The following SLC2A4RG variants were observed in gnomAD, a reference collection of about 807,000 sequenced individuals.
SLC2A4RG encodes GLUT4 enhancer factor.
A neutral mutation model predicts 35.5 loss-of-function variants in SLC2A4RG; 23 were observed. The observed-to-expected ratio is 0.65, with a 90% CI of 0.47 to 0.92. The LOEUF (loss-of-function observed/expected upper bound fraction) is 0.92, where lower values mean the gene tolerates loss of function less well. Ranked by LOEUF, SLC2A4RG falls within the 40% of genes least tolerant of loss-of-function variation. SLC2A4RG has a pLI of 0.00. For missense variants in SLC2A4RG, 539 were observed against 525.0 expected (o/e 1.03, Z -0.26); for synonymous variants, 306 against 243.7 (o/e 1.26, Z -2.38).
Position 63,742,138 on chromosome 20 carries a change from CCAGGTCATGTTCCAGTGT to C in SLC2A4RG, c.590_607del (p.Gln197_Cys202del). ...GGCCCCTGTTGCTGCAGAGCCCGGC[CCAGGTCATGTTCCAGTGT>C]CTGTGGAAGAGCTGCGGGAAGGTGC... On this transcript the variant is annotated inframe_deletion, in exon 5 of 8. Transcript: ENST00000266077. 6.2e-7 allele frequency: 1 copy of C among 1,604,332 alleles called. No individual in the cohort carries two copies. Among genetic ancestry groups the C allele is most frequent in the Non-Finnish European group, 8.5e-7 (1 of 1,175,946 alleles).
chr20:63,740,369 A>G lies in SLC2A4RG; in HGVS notation c.127-8A>G. The G allele has an allele frequency of 8.2e-7, 1 of 1,215,202 alleles. No homozygotes were observed. The highest frequency in any genetic ancestry group is 1.0e-6 in the Non-Finnish European group (1 of 980,480). The allele number at this position is 1,215,202 out of a possible 1,614,324, so 75.3% of individuals were successfully genotyped here. A position where few individuals can be genotyped will look rare whatever the true frequency, so the allele number is the denominator to read the frequency against. On this transcript the variant is annotated splice_region_variant and splice_polypyrimidine_tract_variant and intron_variant, in intron 1 of 7. Coordinates refer to ENST00000266077, the MANE Select transcript of SLC2A4RG (RefSeq NM_020062.4). ...CCTCCGCTGAGTCTGCCCCCTCCCC[A>G]TCCGCAGGGCTCTTCCGTGGGCGGC...
chr20:63,740,501 C>A lies in SLC2A4RG; in HGVS notation c.251C>A (p.Pro84Gln). 8.1e-7 allele frequency: 1 copy of A among 1,229,788 alleles called. No individual in the cohort carries two copies. Among genetic ancestry groups the A allele is most frequent in the Non-Finnish European group, 1.0e-6 (1 of 986,212 alleles). The allele number at this position is 1,229,788 out of a possible 1,614,324, so 76.2% of individuals were successfully genotyped here. ...WTGAAAGPRT[P>Q]SAHIPVPAQR... ...GGGGCGGCGGCGGGGCCCCGGACTC[C>A]GTCGGCGCACATCCCCGTCCCAGCG... The change falls in exon 2 of 8, where the codon CCG (proline) becomes CAG (glutamine). Residue 84 changes from proline (P) to glutamine (Q), a missense_variant. By Grantham distance (76) the Pro-to-Gln change is moderately conservative. Transcript: ENST00000266077.
At position 63,741,965 on chromosome 20, in the gene SLC2A4RG, G is replaced by C; in HGVS notation, c.488G>C (p.Ser163Thr). The stretch of plus-strand genomic sequence containing the variant: ...GGAGACTGGGGATGGGACCTGGCCA[G>C]TGACCAGTCCTCTCCGTCCACCCCG... Reference protein sequence around the residue: ...NSGDWGWDLASDQSSPSTPSP... With the variant: ...NSGDWGWDLATDQSSPSTPSP... The change falls in exon 4 of 8, where the codon AGT becomes ACT. Residue 163 changes from serine (S) to threonine (T), a missense_variant. Ser to Thr is a moderately conservative substitution (Grantham distance 58). Coordinates refer to ENST00000266077, the MANE Select transcript of SLC2A4RG (RefSeq NM_020062.4). 6.2e-7 allele frequency: 1 copy of C among 1,613,054 alleles called. No individual in the cohort carries two copies. Among genetic ancestry groups the C allele is most frequent in the Non-Finnish European group, 8.5e-7 (1 of 1,179,846 alleles).
At position 63,742,797 on chromosome 20, in the gene SLC2A4RG, G is replaced by A. The variant is rs753232430; in HGVS notation, c.1052+7G>A. ...GGATCGGAGTCACCCTGAGGTGCGT[G>A]TGGGCTGAGGGCCTGCGGCTGGCAC... On this transcript the variant is annotated splice_region_variant and intron_variant, in intron 7 of 7. Transcript: ENST00000266077. The A allele has an allele frequency of 2.5e-6, 4 of 1,578,364 alleles. No homozygotes were observed. The highest frequency in any genetic ancestry group is 3.4e-6 in the Non-Finnish European group (4 of 1,161,656).
At position 63,742,538 on chromosome 20, in the gene SLC2A4RG, GCCCCGCCCCTGC is replaced by G. The variant is rs763272934; in HGVS notation, c.893_904del (p.Leu298_Pro301del). 3.2e-6 allele frequency: 5 copies of G among 1,561,284 alleles called. No individual in the cohort carries two copies. Among genetic ancestry groups the G allele is most frequent in the Non-Finnish European group, 3.5e-6 (4 of 1,152,362 alleles). ...CCTGCCTAGTCCCCTGCGGCCGCCT[GCCCCGCCCCTGC>G]CCCCGCCCCCTGTCCTGAGCACCGT... On this transcript the variant is annotated inframe_deletion, in exon 6 of 8. Coordinates refer to ENST00000266077, the MANE Select transcript of SLC2A4RG (RefSeq NM_020062.4).
chr20:63,741,180 G>A, intron 2 of SLC2A4RG, 190 bp from the exon 3 acceptor site: 1 of 594,982 alleles, frequency 1.7e-6, no homozygotes, highest in Non-Finnish European at 3.0e-6. Flanking sequence ...CCCTGGCCCT[G>A]CTCCTGGCGG....
At chr20:63,741,775 A>T in intron 3 of SLC2A4RG, 94 bp from the exon 4 acceptor site, 1 of 1,453,866 alleles carries the variant, frequency 6.9e-7, no homozygotes, top group Non-Finnish European at 9.1e-7. Context: ...TCTGCCCACC[A>T]GTCTCACCGG....
chr20:63,741,724 G>C (rs763844268), intron 3 of SLC2A4RG, 145 bp from the exon 4 acceptor site: 1 of 1,416,560 alleles, frequency 7.1e-7, no homozygotes, highest in Non-Finnish European at 9.2e-7. Context: ...TGTGCCGGGG[G>C]GGTTTCTCCC....
chr20:63,741,719 C>T (rs1237955513), intron 3 of SLC2A4RG, 150 bp from the exon 4 acceptor site: 20 of 1,407,906 alleles, frequency 1.4e-5, no homozygotes, highest in Middle Eastern at 2.6e-4. Context: ...TTTCCTGTGC[C>T]GGGGGGGTTT....
rs1568810734 is a variant in SLC2A4RG at position 63,739,835 on chromosome 20, G to C, written c.-78G>C. On this transcript the variant is annotated 5_prime_UTR_variant, in exon 1 of 8. Transcript: ENST00000266077. Reference sequence around the variant, plus strand: ...ATCCAGGGCGGGGGTCGGCGGCCCGGCCAGCCCGGCCCGGCCCGGGGCCGC... The same window carrying C: ...ATCCAGGGCGGGGGTCGGCGGCCCGCCCAGCCCGGCCCGGCCCGGGGCCGC... 7.2e-6 allele frequency: 7 copies of C among 975,356 alleles called. No individual in the cohort carries two copies. The highest frequency in any genetic ancestry group is 7.3e-6 in the Non-Finnish European group (6 of 825,902). 60.4% of individuals were successfully genotyped at this position (975,356 alleles called of 1,614,324 possible). A position where few individuals can be genotyped will look rare whatever the true frequency, so the allele number is the denominator to read the frequency against.
At chr20:63,741,163 C>G in intron 2 of SLC2A4RG, 1 of 584,756 alleles carries the variant, frequency 1.7e-6, no homozygotes, top group Non-Finnish European at 3.1e-6. Context: ...ACTCAGGCTT[C>G]AGGAGACCCT....
At position 63,742,329 on chromosome 20, in the gene SLC2A4RG, C is replaced by T. The variant is rs368760277; in HGVS notation, c.681-7C>T. 3.5e-5 allele frequency: 56 copies of T among 1,606,886 alleles called. No individual in the cohort carries two copies. The highest frequency in any genetic ancestry group is 4.4e-5 in the Non-Finnish European group (52 of 1,176,398). ...CAGCTCCCACTGGCTGGCTGTGTCT[C>T]CCGCAGGAGGCAGGCAGAGCCTGAG... On this transcript the variant is annotated splice_region_variant and splice_polypyrimidine_tract_variant and intron_variant, in intron 5 of 7. Coordinates refer to ENST00000266077, the MANE Select transcript of SLC2A4RG (RefSeq NM_020062.4).
In SLC2A4RG at chr20:63,742,574, G is replaced by T; in HGVS notation, c.919G>T (p.Val307Phe). The change falls in exon 6 of 8, where the codon GTT becomes TTT. Residue 307 changes from valine (V) to phenylalanine (F), a missense_variant. Transcript: ENST00000266077. ...GCCCCCGCCCCCTGTCCTGAGCACC[G>T]TTGCTAACCCCCAGTCCTGTCACAG... is the stretch of plus-strand genomic sequence containing the variant. ...PLPPPPVLST[V>F]ANPQSCHSDR... is the part of the protein sequence containing the mutation. 1 of 1,577,496 alleles carries T rather than the reference G, an allele frequency of 6.3e-7. No individual in the cohort carries two copies. The highest frequency in any genetic ancestry group is 8.6e-7 in the Non-Finnish European group (1 of 1,158,228).
chr20:63,740,260 C>G (rs912550114), intron 1 of SLC2A4RG, 117 bp from the exon 2 acceptor site: 8 of 703,334 alleles, frequency 1.1e-5, no homozygotes, highest in Non-Finnish European at 1.5e-5. Context: ...GCCGCGCCGT[C>G]CACACCGGCC....
intron 3 of SLC2A4RG, 32 bp downstream of exon 3, chr20:63,741,511 G>C (rs761287069): frequency 1.2e-5 from 19 of 1,588,534 alleles, no homozygotes; most frequent in Middle Eastern, 1.7e-4. Context: ...TTAGGGGTGT[G>C]GGTGGGGACA....
In SLC2A4RG at chr20:63,743,240, C is replaced by G; in HGVS notation, c.*250C>G. 2.6e-6 allele frequency: 1 copy of G among 388,924 alleles called. No homozygotes were observed. Among genetic ancestry groups the G allele is most frequent in the Non-Finnish European group, 4.7e-6 (1 of 213,488 alleles). 24.1% of individuals were successfully genotyped at this position (388,924 alleles called of 1,614,324 possible). The stretch of plus-strand genomic sequence containing the variant: ...ACTAAAGCCAAACCACACCGCTGTC[C>G]CCTTAGCCCCAAGGGCCCTGGGGGC... On this transcript the variant is annotated 3_prime_UTR_variant, in exon 8 of 8. Coordinates refer to ENST00000266077, the MANE Select transcript of SLC2A4RG (RefSeq NM_020062.4).
chr20:63,742,238 G>A lies in SLC2A4RG; in HGVS notation c.680+8G>A, dbSNP rs773040295. 8.2e-6 allele frequency: 13 copies of A among 1,589,948 alleles called. No individual in the cohort carries two copies. The highest frequency in any genetic ancestry group is 3.5e-5 in the Admixed American group (2 of 56,564). ...CCGCCTGGTGCACCTGGGGTGCGGCGGGGCCTGGGGTGCGGCGGGGCCTGC... is the reference window on the plus strand; with the variant it reads ...CCGCCTGGTGCACCTGGGGTGCGGCAGGGCCTGGGGTGCGGCGGGGCCTGC... On this transcript the variant is annotated splice_region_variant and intron_variant, in intron 5 of 7. Transcript: ENST00000266077.
At chr20:63,740,895 G>A (rs2092038044) in intron 2 of SLC2A4RG, among the ~76,000 whole-genome samples, 1 of 152,158 alleles carries the variant, frequency 6.6e-6, no homozygotes, top group South Asian at 2.1e-4. Flanking sequence ...CAGGGCAGGG[G>A]CGGGCCCTGG....
At chr20:63,740,059 G>C in intron 1 of SLC2A4RG, 21 bp downstream of exon 1, 1 of 963,286 alleles carries the variant, frequency 1.0e-6, no homozygotes, top group Non-Finnish European at 1.2e-6. Flanking sequence ...CCGGTGGGCG[G>C]GGGCGCCGAC....
Sources: gnomAD v4.1 joint callset for allele counts (sites outside exome capture counted in the v4.1 genomes callset) on GRCh38, gnomAD v4.1.1 for gene constraint, MANE v1.5 for transcripts, NCBI Gene and HGNC (gene_info 2026-07-23, HGNC 2026-07-21) for gene names.